Variants in TMEM163 observed in about 807,000 individuals in gnomAD.
TMEM163 encodes transmembrane protein 163.
TMEM163 carries 17 observed loss-of-function variants against 29.3 expected under a neutral mutation model. That is an observed-to-expected ratio of 0.58 (90% CI 0.40 to 0.87). The LOEUF (loss-of-function observed/expected upper bound fraction) is 0.87, where lower values mean the gene tolerates loss of function less well. Ranked by LOEUF, TMEM163 falls within the 40% of genes least tolerant of loss-of-function variation. The pLI is 0.00. For missense variants in TMEM163, 303 were observed against 381.5 expected, an observed-to-expected ratio of 0.79 and a Z score of 1.71; for synonymous variants, 157 against 160.6, an observed-to-expected ratio of 0.98 and a Z score of 0.17.
intron 2 of TMEM163, among the ~76,000 whole-genome samples, chr2:134,664,736 G>A (rs1683834646): frequency 2.0e-5 from 3 of 152,180 alleles, no homozygotes; most frequent in Admixed American, 6.5e-5. Context: ...AAGGGGCAAC[G>A]AATGGCGGAT....
At chr2:134,639,295 G>A (rs1287333704) in intron 2 of TMEM163, among the ~76,000 whole-genome samples, 2 of 152,182 alleles carry the variant, frequency 1.3e-5, no homozygotes, top group African/African-American at 4.8e-5. Flanking sequence ...AGTGAAGAAG[G>A]CAGAATATTG....
intron 2 of TMEM163, among the ~76,000 whole-genome samples, chr2:134,592,058 A>G (rs1193028579): frequency 6.6e-6 from 1 of 152,188 alleles, no homozygotes; most frequent in Non-Finnish European, 1.5e-5. Context: ...AGCGAGGGAG[A>G]AGGAGAGTGT....
At chr2:134,718,708 G>C in intron 1 of TMEM163, 26 bp downstream of exon 1, 1 of 1,139,208 alleles carries the variant, frequency 8.8e-7, no homozygotes, top group South Asian at 4.0e-5. Flanking sequence ...CCCGGTCGCC[G>C]GCCGGGTCGG....
At chr2:134,502,308 A>C (rs938604396) in intron 5 of TMEM163, among the ~76,000 whole-genome samples, 4 of 152,196 alleles carry the variant, frequency 2.6e-5, no homozygotes, top group Non-Finnish European at 4.4e-5. Flanking sequence ...ACTGCATGAC[A>C]GGAGGCTGTA....
chr2:134,617,002 G>A (rs1052258014), intron 2 of TMEM163, among the ~76,000 whole-genome samples: 1 of 152,148 alleles, frequency 6.6e-6, no homozygotes, highest in South Asian at 2.1e-4. Flanking sequence ...AAGAGATAAA[G>A]AGTACTGGAA....
At chr2:134,656,538 G>A (rs61314604) in intron 2 of TMEM163, among the ~76,000 whole-genome samples, 22,384 of 151,748 alleles carry the variant, frequency 0.15, 2,318 homozygotes, top group African/African-American at 0.31. Flanking sequence ...GCTGTAGACC[G>A]GAGCTGTTCC....
intron 2 of TMEM163, among the ~76,000 whole-genome samples, chr2:134,638,787 T>C (rs1683164231): frequency 6.6e-6 from 1 of 152,080 alleles, no homozygotes; most frequent in Non-Finnish European, 1.5e-5. Context: ...AGGACACGGG[T>C]GCCAAAACAA....
intron 4 of TMEM163, among the ~76,000 whole-genome samples, chr2:134,534,460 A>T (rs1253816096): frequency 6.6e-6 from 1 of 152,180 alleles, no homozygotes; most frequent in Admixed American, 6.5e-5. Context: ...TTGATTTATA[A>T]ATCAACCTTG....
chr2:134,531,732 G>A (rs550967447), intron 4 of TMEM163, among the ~76,000 whole-genome samples: 181 of 152,312 alleles, frequency 1.2e-3, no homozygotes, highest in African/African-American at 2.0e-3. Context: ...CACCCTCCAC[G>A]TGTTCAGGTA....
At chr2:134,537,211 G>T (rs1680560479) in intron 4 of TMEM163, among the ~76,000 whole-genome samples, 1 of 152,200 alleles carries the variant, frequency 6.6e-6, no homozygotes, top group Non-Finnish European at 1.5e-5. Flanking sequence ...GGATCCCTAT[G>T]TGGGTCTACC....
intron 4 of TMEM163, among the ~76,000 whole-genome samples, chr2:134,536,946 GA>G (rs1416143357): frequency 1.3e-5 from 2 of 152,162 alleles, no homozygotes; most frequent in African/African-American, 4.8e-5. Flanking sequence ...CATAGCCAAA[GA>G]AAAGACTTAT....
intron 2 of TMEM163, among the ~76,000 whole-genome samples, chr2:134,621,035 AAAGAC>A (rs1281988005): frequency 1.1e-4 from 17 of 152,248 alleles, no homozygotes; most frequent in Non-Finnish European, 5.9e-5. Context: ...AAGAAAATGA[AAAGAC>A]AAGCTACTTA....
chr2:134,571,105 G>A (rs1681411724), intron 2 of TMEM163, among the ~76,000 whole-genome samples: 1 of 152,072 alleles, frequency 6.6e-6, no homozygotes, highest in African/African-American at 2.4e-5. Context: ...AGATAAATTA[G>A]GAACCGATTC....
intron 4 of TMEM163, among the ~76,000 whole-genome samples, chr2:134,548,529 T>C (rs1574227778): frequency 6.6e-6 from 1 of 152,346 alleles, no homozygotes; most frequent in East Asian, 1.9e-4. Flanking sequence ...AGGCTTCTTA[T>C]TGAATTCCTC....
intron 2 of TMEM163, among the ~76,000 whole-genome samples, chr2:134,701,297 A>C (rs1023968011): frequency 6.6e-6 from 1 of 152,206 alleles, no homozygotes; most frequent in Non-Finnish European, 1.5e-5. Context: ...GATTTAACAG[A>C]CTCCAGAAAG....
intron 5 of TMEM163, chr2:134,467,779 T>C (rs1280484163): frequency 6.6e-6 from 1 of 152,162 alleles, no homozygotes; most frequent in Non-Finnish European, 1.5e-5. Flanking sequence ...ATGGTAGAGA[T>C]TAATTTGCCG....
At chr2:134,718,699 C>A in intron 1 of TMEM163, 35 bp downstream of exon 1, 1 of 1,133,566 alleles carries the variant, frequency 8.8e-7, no homozygotes. Flanking sequence ...AGCAGCCACC[C>A]CGGTCGCCGG....
rs182219240 is a variant in TMEM163 at position 134,476,054 on chromosome 2, A to T, written c.556-9829T>A. ...CTCAGCTGCTAATTTCATAATAGTCAAAAACTGGAAATAACCTAAATGTCC... is the reference window on the plus strand; with the variant it reads ...CTCAGCTGCTAATTTCATAATAGTCTAAAACTGGAAATAACCTAAATGTCC... On this transcript the variant is annotated intron_variant, in intron 5 of 7. Transcript: ENST00000281924. 9.3e-4 allele frequency among the ~76,000 whole-genome samples: 142 copies of T among 152,378 alleles called. 1 individual carries two copies. The Middle Eastern group carries it at 0.017, about 18-fold the overall frequency.
At chr2:134,505,574 A>T (rs1039643265) in intron 4 of TMEM163, among the ~76,000 whole-genome samples, 1 of 152,126 alleles carries the variant, frequency 6.6e-6, no homozygotes, top group Non-Finnish European at 1.5e-5. Context: ...AAAATCAAGT[A>T]GGGCAGCCAC....
Sources: allele counts gnomAD v4.1 joint callset (sites outside exome capture counted in the v4.1 genomes callset), GRCh38; gene constraint gnomAD v4.1.1; transcripts MANE v1.5; gene names NCBI Gene and HGNC (gene_info 2026-07-23, HGNC 2026-07-21).